Variants in NCKAP5L observed in about 807,000 individuals in gnomAD.
NCKAP5L encodes the protein NCK associated protein 5 like.
Under a neutral mutation model 103.2 loss-of-function variants are expected in NCKAP5L, and 54 were observed. That is an observed-to-expected ratio of 0.52 (90% CI 0.42 to 0.66). The LOEUF is 0.66. Ranked by LOEUF, NCKAP5L falls within the 30% of genes least tolerant of loss-of-function variation. NCKAP5L has a pLI of 0.00. For synonymous variants in NCKAP5L, 762 were observed against 748.6 expected (o/e 1.02, Z -0.29); for missense variants, 1,733 against 1,750.6 (o/e 0.99, Z 0.18).
intron 1 of NCKAP5L, among the ~76,000 whole-genome samples, chr12:49,820,163 G>A (rs1779097603): frequency 6.6e-6 from 1 of 152,138 alleles, no homozygotes; most frequent in Non-Finnish European, 1.5e-5. Flanking sequence ...TGGAGGTGAT[G>A]GCAGAGCTGA....
intron 1 of NCKAP5L, among the ~76,000 whole-genome samples, chr12:49,806,290 C>A (rs1946179200): frequency 6.6e-5 from 10 of 152,192 alleles, no homozygotes; most frequent in Admixed American, 6.5e-4. Flanking sequence ...GCAGAAAGAG[C>A]CAGTGCAAAG....
At chr12:49,818,530 T>C (rs1192019783) in intron 1 of NCKAP5L, among the ~76,000 whole-genome samples, 1 of 152,088 alleles carries the variant, frequency 6.6e-6, no homozygotes, top group Non-Finnish European at 1.5e-5. Flanking sequence ...ACTAATTTTT[T>C]GGATTTTTTT....
At chr12:49,803,193 A>G in intron 3 of NCKAP5L, 28 bp from the exon 4 acceptor site, 1 of 1,612,666 alleles carries the variant, frequency 6.2e-7, no homozygotes, top group Admixed American at 1.7e-5. Context: ...GAAGAGGGCA[A>G]AAAGGTGGCT....
intron 1 of NCKAP5L, among the ~76,000 whole-genome samples, chr12:49,827,692 T>C (rs1946434173): frequency 6.6e-6 from 1 of 152,182 alleles, no homozygotes; most frequent in African/African-American, 2.4e-5. Context: ...CTCCCTTAGC[T>C]TCTCTTCAGC....
At chr12:49,801,054 C>T (rs2093278278) in intron 6 of NCKAP5L, among the ~76,000 whole-genome samples, 1 of 152,150 alleles carries the variant, frequency 6.6e-6, no homozygotes, top group South Asian at 2.1e-4. Flanking sequence ...GACAAGGGGC[C>T]GCCTCTGCAA....
Position 49,794,006 on chromosome 12 carries a change from C to A in NCKAP5L, c.3096-110G>T. 6.7e-6 allele frequency: 7 copies of A among 1,045,436 alleles called. No individual in the cohort carries two copies. The South Asian group carries it at 1.4e-4, about 21-fold the overall frequency. 64.8% of individuals were successfully genotyped at this position (1,045,436 alleles called of 1,614,324 possible). On this transcript the variant is annotated intron_variant, in intron 8 of 12. Coordinates refer to ENST00000335999, the MANE Select transcript of NCKAP5L (RefSeq NM_001037806.4). ...TAGGGAGGCACTTCCTGCCATCCAC[C>A]CCCGGGGAAGGGGACATGTCGCTAG...
chr12:49,819,400 T>C (rs954702830), intron 1 of NCKAP5L, among the ~76,000 whole-genome samples: 4 of 152,096 alleles, frequency 2.6e-5, no homozygotes, highest in African/African-American at 4.8e-5. Context: ...TGTTTATTCA[T>C]TGTAGTCAAG....
At chr12:49,798,917 T>C (rs896917507) in intron 6 of NCKAP5L, among the ~76,000 whole-genome samples, 11 of 152,194 alleles carry the variant, frequency 7.2e-5, no homozygotes, top group East Asian at 5.8e-4. Context: ...CAGGGAGTTA[T>C]AATATTTCTG....
intron 10 of NCKAP5L, 26 bp from the exon 11 acceptor site, chr12:49,793,012 T>A: frequency 6.7e-7 from 1 of 1,489,266 alleles, no homozygotes; most frequent in South Asian, 1.3e-5. Context: ...GAGGGCCCGT[T>A]AAGAGTGTGA....
At chr12:49,815,677 A>G (rs1406227837) in intron 1 of NCKAP5L, among the ~76,000 whole-genome samples, 10 of 151,962 alleles carry the variant, frequency 6.6e-5, no homozygotes, top group Non-Finnish European at 1.5e-4. Flanking sequence ...TTTAGTAGAG[A>G]TGGGGTTTCA....
chr12:49,802,916 G>T, intron 5 of NCKAP5L, 42 bp downstream of exon 5: 1 of 1,592,836 alleles, frequency 6.3e-7, no homozygotes, highest in Non-Finnish European at 8.6e-7. Context: ...GGTCTCATCT[G>T]CTGTGCCCAG....
At position 49,792,551 on chromosome 12, in the gene NCKAP5L, C is replaced by T. The variant is rs749630946; in HGVS notation, c.3687G>A (p.Gln1229=). ...TGGGGAAGGTCCAGTTCTTGGCCAG[C>T]TGGACAGGAGGGGTGGGGCCTGGGT... The part of the protein sequence containing the change: ...CEDPGPTPPV[Q]LAKNWTFPNT... Residue 1229 remains glutamine (Q), a synonymous_variant, in exon 12 of 13, where the codon CAG becomes CAA. Coordinates refer to ENST00000335999, the MANE Select transcript of NCKAP5L (RefSeq NM_001037806.4). This position sits in a 1 kb window ranked among gnomAD's most constrained non-coding sequence, Gnocchi z 4.5. 1 of 1,613,850 alleles carries T rather than the reference C, an allele frequency of 6.2e-7. No homozygotes were observed. The highest frequency in any genetic ancestry group is 8.5e-7 in the Non-Finnish European group (1 of 1,179,850).
chr12:49,794,227 C>T (rs1945987993), intron 8 of NCKAP5L, among the ~76,000 whole-genome samples: 1 of 152,194 alleles, frequency 6.6e-6, no homozygotes, highest in Non-Finnish European at 1.5e-5. Flanking sequence ...ACACACTCCA[C>T]CTGCTCTAGC....
chr12:49,803,063 C>T, intron 4 of NCKAP5L, 34 bp downstream of exon 4: 1 of 1,614,236 alleles, frequency 6.2e-7, no homozygotes, highest in Non-Finnish European at 8.5e-7. Context: ...GCAGATGAGC[C>T]ACATCCCCCC....
Position 49,791,421 on chromosome 12 carries a change from G to T in NCKAP5L, c.*418C>A. On this transcript the variant is annotated 3_prime_UTR_variant, in exon 13 of 13. Coordinates refer to ENST00000335999, the MANE Select transcript of NCKAP5L (RefSeq NM_001037806.4). The stretch of plus-strand genomic sequence containing the variant: ...TCCCCCTGGCCCCCAAACTCCACCA[G>T]CACGGGGGCCTCCAGGAGGGCCTCG... 1 of 162,322 alleles carries T rather than the reference G, an allele frequency of 6.2e-6. No homozygotes were observed. The highest frequency in any genetic ancestry group is 1.3e-5 in the Non-Finnish European group (1 of 75,238). The allele number at this position is 162,322 out of a possible 1,614,324, so 10.1% of individuals were successfully genotyped here. A position where few individuals can be genotyped will look rare whatever the true frequency, so the allele number is the denominator to read the frequency against.
At chr12:49,800,322 G>A (rs746357911) in intron 6 of NCKAP5L, among the ~76,000 whole-genome samples, 2 of 152,230 alleles carry the variant, frequency 1.3e-5, no homozygotes, top group African/African-American at 2.4e-5. Flanking sequence ...GTGGCATGGC[G>A]TCTCTACCTC....
At chr12:49,793,263 A>C in intron 10 of NCKAP5L, 89 bp downstream of exon 10, 1 of 1,324,198 alleles carries the variant, frequency 7.6e-7, no homozygotes, top group Non-Finnish European at 1.1e-6. Flanking sequence ...AGAGCCTGGC[A>C]CCTGCTGCGG....
At position 49,794,901 on chromosome 12, in the gene NCKAP5L, C is replaced by T; in HGVS notation, c.2959G>A (p.Ala987Thr). 3 of 1,528,962 alleles carry T rather than the reference C, an allele frequency of 2.0e-6. No individual in the cohort carries two copies. The highest frequency in any genetic ancestry group is 1.8e-6 in the Non-Finnish European group (2 of 1,138,144). 94.7% of individuals were successfully genotyped at this position (1,528,962 alleles called of 1,614,324 possible). A position where few individuals can be genotyped will look rare whatever the true frequency, so the allele number is the denominator to read the frequency against. Residue 987 changes from alanine (A) to threonine (T), a missense_variant, in exon 8 of 13, where the codon GCC becomes ACC. Ala to Thr is a moderately conservative substitution (Grantham distance 58). Transcript: ENST00000335999. Reference sequence around the variant, plus strand: ...GGCCGGGCCCGGCTGCTTAGGTAGGCCTTCTCCTCTTCCAGTGCCCGACGC... The same window carrying T: ...GGCCGGGCCCGGCTGCTTAGGTAGGTCTTCTCCTCTTCCAGTGCCCGACGC... ...DLRRALEEEK[A>T]YLSSRARPRP...
intron 8 of NCKAP5L, among the ~76,000 whole-genome samples, chr12:49,794,475 T>A (rs1400965722): frequency 3.9e-5 from 6 of 152,126 alleles, no homozygotes; most frequent in Admixed American, 3.9e-4. Context: ...AGCCTTCACT[T>A]AACTATCACA....
Sources: gnomAD v4.1 joint callset for allele counts (sites outside exome capture counted in the v4.1 genomes callset) on GRCh38, gnomAD v4.1.1 for gene constraint, Gnocchi (gnomAD v3.1) non-coding constraint, MANE v1.5 for transcripts, NCBI Gene and HGNC (gene_info 2026-07-23, HGNC 2026-07-21) for gene names.